Variants in BDP1 observed in about 807,000 individuals in gnomAD.
The protein encoded by BDP1 is BDP1 general transcription factor IIIB subunit, also known as transcription factor TFIIIB component B'' homolog.
BDP1 carries 169 observed loss-of-function variants against 266.6 expected under a neutral mutation model. The ratio of observed to expected loss-of-function variants is 0.63; its 90% CI spans 0.56 to 0.72. The LOEUF is 0.72. BDP1 is among the 30% of genes least tolerant of loss of function. The probability of loss-of-function intolerance (pLI) is 0.00; values close to 1 mark genes in which losing one functional copy is unlikely to be tolerated. For synonymous variants in BDP1, 1,090 were observed against 1,022.4 expected, an observed-to-expected ratio of 1.07 and a Z score of -1.26; for missense variants, 3,015 against 3,053.8, an observed-to-expected ratio of 0.99 and a Z score of 0.30.
intron 25 of BDP1, among the ~76,000 whole-genome samples, 200 bp from the exon 26 acceptor site, chr5:71,532,108 C>G (rs1279792786): frequency 6.6e-6 from 1 of 152,142 alleles, no homozygotes; most frequent in Non-Finnish European, 1.5e-5. Context: ...ACAGCCACCT[C>G]AAAAATTTTA....
At chr5:71,525,747 T>A (rs1028625157) in intron 25 of BDP1, among the ~76,000 whole-genome samples, 1 of 149,466 alleles carries the variant, frequency 6.7e-6, no homozygotes, top group Non-Finnish European at 1.5e-5. Context: ...GACCCCCACC[T>A]CCCTCCCGGA....
intron 31 of BDP1, 135 bp from the exon 32 acceptor site, chr5:71,544,904 A>AAG (rs1554125850): frequency 0.018 from 8,086 of 438,684 alleles, 455 homozygotes; most frequent in South Asian, 0.034. Flanking sequence ...AAAAAAAAAA[A>AAG]AAGTCCTATT....
intron 15 of BDP1, 66 bp downstream of exon 15, chr5:71,502,857 C>T: frequency 2.5e-6 from 3 of 1,213,938 alleles, no homozygotes; most frequent in Non-Finnish European, 3.6e-6. Context: ...ATAAGCTTCC[C>T]TTCACCCACA....
intron 28 of BDP1, among the ~76,000 whole-genome samples, chr5:71,540,508 A>G (rs756953447): frequency 3.9e-5 from 6 of 152,078 alleles, no homozygotes; most frequent in Non-Finnish European, 7.4e-5. Context: ...TTGTATTTTT[A>G]GTAGAGTTGG....
chr5:71,487,176 C>T (rs191117561), intron 9 of BDP1, among the ~76,000 whole-genome samples: 183 of 152,240 alleles, frequency 1.2e-3, no homozygotes, highest in Non-Finnish European at 2.2e-3. Flanking sequence ...AGAAGACGCT[C>T]GGAACTATAG....
At position 71,549,542 on chromosome 5, in the gene BDP1, A is replaced by G. The variant is rs1344827766; in HGVS notation, c.6931A>G (p.Asn2311Asp). ...FTDATAQFMP[N>D]PLLPAPILVK... ...TGATGCCACTGCACAGTTCATGCCA[A>G]ACCCTTTACTGCCAGCTCCCATATT... The change falls in exon 34 of 39, where the codon AAC becomes GAC. Residue 2311 changes from asparagine to aspartate, a missense_variant. Physicochemically the swap from Asn to Asp is conservative, Grantham distance 23. Around this residue, in one of 3 missense-constraint regions of BDP1, gnomAD observed 629 missense variants for 632.5 expected, o/e 0.99. Coordinates refer to ENST00000358731, the MANE Select transcript of BDP1 (RefSeq NM_018429.3). 1.9e-6 allele frequency: 3 copies of G among 1,613,504 alleles called. No homozygotes were observed. Among genetic ancestry groups the G allele is most frequent in the Middle Eastern group, 1.6e-4 (1 of 6,062 alleles).
chr5:71,470,692 A>C (rs1458158363), intron 7 of BDP1, among the ~76,000 whole-genome samples: 4 of 151,538 alleles, frequency 2.6e-5, no homozygotes, highest in Non-Finnish European at 5.9e-5. Flanking sequence ...GGTTCAAGCA[A>C]TTCTCATGCC....
At position 71,522,861 on chromosome 5, in the gene BDP1, G is replaced by A. The variant is rs757380021; in HGVS notation, c.5299G>A (p.Gly1767Arg). ...AKIDAELEEV[G>R]PSRRVGEETV... is the part of the protein sequence containing the mutation. ...AATAGATGCGGAATTAGAAGAAGTT[G>A]GACCATCAAGAAGGGTTGGAGAGGA... The change falls in exon 24 of 39, where the codon GGA (glycine) becomes AGA (arginine). Residue 1767 changes from glycine (G) to arginine (R), a missense_variant. By Grantham distance (125) the Gly-to-Arg change is moderately radical. Coordinates refer to ENST00000358731, the MANE Select transcript of BDP1 (RefSeq NM_018429.3). 4 of 1,613,790 alleles carry A rather than the reference G, an allele frequency of 2.5e-6. No individual in the cohort carries two copies. In the South Asian group the frequency reaches 4.4e-5, roughly 18 times the overall value.
At chr5:71,463,848 T>G (rs1407257244) in intron 3 of BDP1, among the ~76,000 whole-genome samples, 2 of 149,780 alleles carry the variant, frequency 1.3e-5, no homozygotes, top group East Asian at 4.0e-4. Context: ...AAAAAAAAAG[T>G]ATTCTTTACT....
rs1405703367 is a variant in BDP1, at chr5:71,504,695, T to C, written c.2316T>C (p.Asn772=). 6 of 1,613,550 alleles carry C rather than the reference T, an allele frequency of 3.7e-6. No individual in the cohort carries two copies. Among genetic ancestry groups the C allele is most frequent in the Admixed American group, 1.7e-5 (1 of 59,992 alleles). ...ATGTCATATTACAGCCTGAGAAAAA[T>C]GATTCTTTTCAAAATGTGCAGCCAG... ...EEDVILQPEK[N]DSFQNVQPDE... Residue 772 remains asparagine (N), a synonymous_variant, in exon 16 of 39, where the codon AAT becomes AAC. Coordinates refer to ENST00000358731, the MANE Select transcript of BDP1 (RefSeq NM_018429.3).
chr5:71,474,537 G>T (rs752784258), intron 7 of BDP1, among the ~76,000 whole-genome samples: 3 of 151,720 alleles, frequency 2.0e-5, no homozygotes, highest in Non-Finnish European at 4.4e-5. Context: ...TCATCAGGTT[G>T]CTCAGGTGGG....
At chr5:71,552,718 G>A (rs55642935) in intron 34 of BDP1, among the ~76,000 whole-genome samples, 5,265 of 152,246 alleles carry the variant, frequency 0.035, 163 homozygotes, top group African/African-American at 0.12. Flanking sequence ...CACTCGGCAG[G>A]CTGAGGCAGG....
chr5:71,538,072 T>C (rs976327410), intron 26 of BDP1, among the ~76,000 whole-genome samples: 1 of 152,272 alleles, frequency 6.6e-6, no homozygotes, highest in Non-Finnish European at 1.5e-5. Flanking sequence ...ATTTGTCATA[T>C]GCTTTTTCTG....
At chr5:71,554,180 TG>T (rs1047688252) in intron 35 of BDP1, among the ~76,000 whole-genome samples, 1 of 152,180 alleles carries the variant, frequency 6.6e-6, no homozygotes, top group Admixed American at 6.5e-5. Flanking sequence ...AGTAAAAAAA[TG>T]GCATATCCCA....
rs1443975452 is a variant in BDP1 at position 71,509,859 on chromosome 5, G to A, written c.2767G>A (p.Glu923Lys). Residue 923 changes from glutamate (E) to lysine (K), a missense_variant, in exon 17 of 39, where the codon GAG becomes AAG. By Grantham distance (56) the Glu-to-Lys change is moderately conservative. Coordinates refer to ENST00000358731, the MANE Select transcript of BDP1 (RefSeq NM_018429.3). ...GACGCCAGAGGTGATTGATGCCACT[G>A]AGGAAATAGACAAAGATTTGGAAGA... The part of the protein sequence containing the change: ...EKTPEVIDAT[E>K]EIDKDLEEAG... The A allele has an allele frequency of 1.2e-6, 2 of 1,613,990 alleles. No homozygotes were observed. The highest frequency in any genetic ancestry group is 1.7e-6 in the Non-Finnish European group (2 of 1,180,018).
At chr5:71,474,605 T>TA (rs1762475634) in intron 7 of BDP1, among the ~76,000 whole-genome samples, 1 of 151,430 alleles carries the variant, frequency 6.6e-6, no homozygotes, top group South Asian at 2.1e-4. Flanking sequence ...CCTAGCACTT[T>TA]AGGAGGCTGA....
intron 10 of BDP1, among the ~76,000 whole-genome samples, chr5:71,490,405 G>C (rs1227695238): frequency 6.6e-6 from 1 of 152,092 alleles, no homozygotes; most frequent in Non-Finnish European, 1.5e-5. Context: ...GTATAATGCA[G>C]AACAGCTTAA....
At chr5:71,545,017 T>G in intron 31 of BDP1, 22 bp from the exon 32 acceptor site, 2 of 1,610,044 alleles carry the variant, frequency 1.2e-6, no homozygotes, top group Non-Finnish European at 1.7e-6. Context: ...TCAAATGACA[T>G]GCATGCTAAA....
chr5:71,478,084 C>G (rs1762704510), intron 7 of BDP1, among the ~76,000 whole-genome samples: 1 of 152,104 alleles, frequency 6.6e-6, no homozygotes, highest in African/African-American at 2.4e-5. Context: ...AACCCTGTCT[C>G]TACTAAAAAT....
Sources: gnomAD v4.1 joint callset for allele counts (sites outside exome capture counted in the v4.1 genomes callset) on GRCh38, gnomAD v4.1.1 for gene constraint, gnomAD v4.1.1 regional missense constraint, MANE v1.5 for transcripts, NCBI Gene and HGNC (gene_info 2026-07-23, HGNC 2026-07-21) for gene names.